The following NAA30 variants were observed in gnomAD, a reference collection of about 807,000 sequenced individuals.
The protein encoded by NAA30 is N-alpha-acetyltransferase 30, NatC catalytic subunit, also known as N-alpha-acetyltransferase 30.
In NAA30, 5 loss-of-function variants were observed where a neutral mutation model predicts 31.4. The ratio of observed to expected loss-of-function variants is 0.16; its 90% CI spans 0.08 to 0.33. NAA30 has a LOEUF of 0.33. Ranked by LOEUF, NAA30 falls within the 10% of genes least tolerant of loss-of-function variation. The probability of loss-of-function intolerance (pLI) is 1.00; values close to 1 mark genes in which losing one functional copy is unlikely to be tolerated. For synonymous variants in NAA30, 222 were observed against 207.1 expected (o/e 1.07, Z -0.62); for missense variants, 428 against 490.8 (o/e 0.87, Z 1.21).
chr14:57,399,091 G>C (rs1251324966), intron 3 of NAA30, among the ~76,000 whole-genome samples: 3 of 152,010 alleles, frequency 2.0e-5, no homozygotes, highest in African/African-American at 7.3e-5. Flanking sequence ...TTGAACTCTT[G>C]GCCTCAAGTG....
intron 4 of NAA30, among the ~76,000 whole-genome samples, chr14:57,401,103 A>G (rs566562353): frequency 3.7e-4 from 57 of 152,310 alleles, no homozygotes; most frequent in African/African-American, 1.2e-3. Flanking sequence ...GCAAATATAT[A>G]GTTTTTAAAA....
intron 4 of NAA30, among the ~76,000 whole-genome samples, chr14:57,402,475 CTT>C (rs1022336561): frequency 5.3e-5 from 8 of 151,648 alleles, no homozygotes; most frequent in South Asian, 2.1e-4. Context: ...CCCTCTCTCT[CTT>C]GTTTAAGTAC....
At chr14:57,394,110 T>TAAAA (rs11326184) in intron 2 of NAA30, among the ~76,000 whole-genome samples, 1 of 137,288 alleles carries the variant, frequency 7.3e-6, no homozygotes. Context: ...GTAAAAGATG[T>TAAAA]AAAAAAAAAA....
intron 2 of NAA30, among the ~76,000 whole-genome samples, chr14:57,394,291 T>C (rs557692455): frequency 2.0e-5 from 3 of 152,318 alleles, no homozygotes; most frequent in African/African-American, 7.2e-5. Flanking sequence ...ATTTAACTTT[T>C]TGGCTTCCTC....
rs184169485 is a variant in NAA30 at position 57,403,113 on chromosome 14, G to A, written c.951+3230G>A. ...GGAGAATCGCTTGAACCCGAGAGGT[G>A]GAAGTTGCAGTGAGCCAAGATTGCA... On this transcript the variant is annotated intron_variant, in intron 4 of 4. Coordinates refer to ENST00000556492, the MANE Select transcript of NAA30 (RefSeq NM_001011713.3). Among the ~76,000 whole-genome samples the A allele has an allele frequency of 2.4e-3, 363 of 152,186 alleles. 2 individuals carry two copies. Among genetic ancestry groups the A allele is most frequent in the African/African-American group, 8.3e-3 (343 of 41,532 alleles).
At chr14:57,400,766 G>C (rs767180877) in intron 4 of NAA30, among the ~76,000 whole-genome samples, 4 of 152,142 alleles carry the variant, frequency 2.6e-5, no homozygotes, top group Non-Finnish European at 5.9e-5. Context: ...CAGCATATAT[G>C]ATATATGTAT....
Position 57,391,167 on chromosome 14 carries a change from G to C in NAA30, c.210G>C (p.Pro70=). Reference sequence around the variant, plus strand: ...CGACGGTGGCGGCCAAGGGGCATCCGTGCCTCCGCTGCCCTCAGCCGCCGC... The same window carrying C: ...CGACGGTGGCGGCCAAGGGGCATCCCTGCCTCCGCTGCCCTCAGCCGCCGC... ...ESATVAAKGH[P]CLRCPQPPQE... The change falls in exon 2 of 5, where the codon CCG becomes CCC. Residue 70 remains proline (P), a synonymous_variant. Coordinates refer to ENST00000556492, the MANE Select transcript of NAA30 (RefSeq NM_001011713.3). The surrounding 1 kb of genome is among the most constrained non-coding windows in gnomAD (Gnocchi z 4.1). The C allele has an allele frequency of 6.2e-7, 1 of 1,607,992 alleles. No homozygotes were observed. The highest frequency in any genetic ancestry group is 8.5e-7 in the Non-Finnish European group (1 of 1,178,742).
chr14:57,391,720 T>A lies in NAA30; in HGVS notation c.763T>A (p.Cys255Ser), dbSNP rs1456629398. The A allele has an allele frequency of 1.2e-6, 2 of 1,603,128 alleles. No individual in the cohort carries two copies. The highest frequency in any genetic ancestry group is 1.7e-6 in the Non-Finnish European group (2 of 1,173,706). Residue 255 changes from cysteine to serine, a missense_variant, in exon 2 of 5, where the codon TGC becomes AGC. Physicochemically the swap from Cys to Ser is moderately radical, Grantham distance 112. Around this residue, in one of 2 missense-constraint regions of NAA30, gnomAD observed 79 missense variants for 180.3 expected, o/e 0.44. Transcript: ENST00000556492. This position sits in a 1 kb window ranked among gnomAD's most constrained non-coding sequence, Gnocchi z 4.1. ...TTTTATCCACAACTGGCCACAGCTG[T>A]GCTTCTTGGTAAGTGGATAGAATAA... is the stretch of plus-strand genomic sequence containing the variant. ...RYFIHNWPQLCFLAMVGEECV... is the reference protein window; with the variant it reads ...RYFIHNWPQLSFLAMVGEECV...
chr14:57,405,019 G>T lies in NAA30; in HGVS notation c.952-4360G>T, dbSNP rs117230459. ...AGACAGTTTCTTCTGTAAATAGTAT[G>T]CCATGTAACTTGCGGCAGACTGTTT... is the stretch of plus-strand genomic sequence containing the variant. On this transcript the variant is annotated intron_variant, in intron 4 of 4. Transcript: ENST00000556492. Among the ~76,000 whole-genome samples, 344 of 152,220 alleles carry T rather than the reference G, an allele frequency of 2.3e-3. 8 individuals are homozygous for T. In the East Asian group the frequency reaches 0.056, roughly 25 times the overall value.
At chr14:57,393,147 A>G (rs2066437041) in intron 2 of NAA30, among the ~76,000 whole-genome samples, 1 of 152,176 alleles carries the variant, frequency 6.6e-6, no homozygotes, top group African/African-American at 2.4e-5. Context: ...TTTCAAGTTG[A>G]AATAGATGTT....
In NAA30 at chr14:57,410,329, G is replaced by A. The variant is rs1425510698; in HGVS notation, c.*813G>A. 6.6e-6 allele frequency: 1 copy of A among 152,546 alleles called. No homozygotes were observed. Among genetic ancestry groups the A allele is most frequent in the African/African-American group, 2.4e-5 (1 of 41,432 alleles). 9.4% of individuals were successfully genotyped at this position (152,546 alleles called of 1,614,324 possible). A position where few individuals can be genotyped will look rare whatever the true frequency, so the allele number is the denominator to read the frequency against. ...GAATCTACTTGGAAAATTGAGAAAT[G>A]GCTCAAAAGAGATAAGAAAAGTTGA... On this transcript the variant is annotated 3_prime_UTR_variant, in exon 5 of 5. Transcript: ENST00000556492.
chr14:57,393,735 G>T (rs1283589931), intron 2 of NAA30, among the ~76,000 whole-genome samples: 1 of 152,058 alleles, frequency 6.6e-6, no homozygotes, highest in Non-Finnish European at 1.5e-5. Flanking sequence ...GGTAGGTTTT[G>T]TTTTGTTTTT....
intron 4 of NAA30, among the ~76,000 whole-genome samples, chr14:57,407,370 T>C (rs1262873206): frequency 2.0e-5 from 3 of 152,170 alleles, no homozygotes; most frequent in African/African-American, 7.2e-5. Flanking sequence ...TTGTTGGGCT[T>C]ACCAGCTAGG....
rs2066422106 is a variant in NAA30 at position 57,390,655 on chromosome 14, C to T, written c.-52C>T. 2.7e-6 allele frequency: 1 copy of T among 370,870 alleles called. No individual in the cohort carries two copies. Among genetic ancestry groups the T allele is most frequent in the South Asian group, 1.1e-4 (1 of 9,264 alleles). 23.0% of individuals were successfully genotyped at this position (370,870 alleles called of 1,614,324 possible). A position where few individuals can be genotyped will look rare whatever the true frequency, so the allele number is the denominator to read the frequency against. ...GCCGCGGCTGCGAAGGAGGCGGCGG[C>T]GGTGGCGGAGGAAGAGGAGTGGCGG... On this transcript the variant is annotated 5_prime_UTR_variant, in exon 1 of 5. Transcript: ENST00000556492.
At chr14:57,394,710 T>C (rs757697945) in intron 2 of NAA30, among the ~76,000 whole-genome samples, 2 of 152,194 alleles carry the variant, frequency 1.3e-5, no homozygotes, top group Non-Finnish European at 2.9e-5. Flanking sequence ...TAATTTAATA[T>C]TTTGTTTGCT....
chr14:57,392,503 C>T (rs947354969), intron 2 of NAA30, among the ~76,000 whole-genome samples: 2 of 151,960 alleles, frequency 1.3e-5, no homozygotes, highest in Admixed American at 6.6e-5. Context: ...TAATATTACA[C>T]GTAAGTGAAA....
At chr14:57,398,759 A>G (rs1162927523) in intron 3 of NAA30, among the ~76,000 whole-genome samples, 2 of 152,134 alleles carry the variant, frequency 1.3e-5, no homozygotes, top group South Asian at 2.1e-4. Flanking sequence ...CCGCCTCCCA[A>G]GTAGCTGGGA....
At chr14:57,400,416 G>T (rs941733836) in intron 4 of NAA30, among the ~76,000 whole-genome samples, 2 of 152,146 alleles carry the variant, frequency 1.3e-5, no homozygotes, top group African/African-American at 4.8e-5. Context: ...GTATCCTACT[G>T]CACGGTGTTT....
At chr14:57,390,876 GC>G (rs1486290168) in intron 1 of NAA30, 80 bp from the exon 2 acceptor site, 7 of 1,400,726 alleles carry the variant, frequency 5.0e-6, no homozygotes, top group African/African-American at 1.5e-5. Context: ...CACCTCGGCC[GC>G]CCCCCATCCG....
Sources: gnomAD v4.1 joint callset for allele counts (sites outside exome capture counted in the v4.1 genomes callset) on GRCh38, gnomAD v4.1.1 for gene constraint, gnomAD v4.1.1 regional missense constraint, Gnocchi (gnomAD v3.1) non-coding constraint, MANE v1.5 for transcripts, NCBI Gene and HGNC (gene_info 2026-07-23, HGNC 2026-07-21) for gene names.